Variants in RIOX1 observed in about 807,000 individuals in gnomAD.
The protein encoded by RIOX1 is ribosomal oxygenase 1, also known as 60S ribosomal protein L8 histidine hydroxylase.
In RIOX1, 33 loss-of-function variants were observed where a neutral mutation model predicts 44.6. The ratio of observed to expected loss-of-function variants is 0.74; its 90% CI spans 0.56 to 0.99. RIOX1 has a LOEUF of 0.99. Among genes scored for constraint, RIOX1 ranks in the 50% least tolerant of loss-of-function variants. RIOX1 has a pLI of 0.00. For synonymous variants in RIOX1, 387 were observed against 395.8 expected, an observed-to-expected ratio of 0.98 and a Z score of 0.26; for missense variants, 821 against 871.7, an observed-to-expected ratio of 0.94 and a Z score of 0.73.
Position 73,491,472 on chromosome 14 carries a change from C to T in RIOX1, c.455C>T (p.Ala152Val). The T allele has an allele frequency of 6.7e-7, 1 of 1,490,964 alleles. No individual in the cohort carries two copies. The highest frequency in any genetic ancestry group is 2.2e-5 in the Admixed American group (1 of 44,870). 92.4% of individuals were successfully genotyped at this position (1,490,964 alleles called of 1,614,324 possible). A position where few individuals can be genotyped will look rare whatever the true frequency, so the allele number is the denominator to read the frequency against. Residue 152 changes from alanine to valine, a missense_variant, in exon 1 of 1, where the codon GCG becomes GTG. This residue lies in a region of RIOX1 where 554 missense variants were observed against 531.2 expected (regional missense o/e 1.04). Coordinates refer to ENST00000304061, the MANE Select transcript of RIOX1 (RefSeq NM_024644.5). ...VVETSALLCT[A>V]QHLAAVQSSG... ...GAGACCTCGGCCCTGCTGTGCACCG[C>T]GCAACACTTAGCGGCCGTCCAGTCG...
rs1885864036 is a variant in RIOX1 at position 73,492,786 on chromosome 14, A to G, written c.1769A>G (p.Gln590Arg). Residue 590 changes from glutamine (Q) to arginine (R), a missense_variant, in exon 1 of 1, where the codon CAG becomes CGG. Gln to Arg is a conservative substitution (Grantham distance 43). Coordinates refer to ENST00000304061, the MANE Select transcript of RIOX1 (RefSeq NM_024644.5). This position sits in a 1 kb window ranked among gnomAD's most constrained non-coding sequence, Gnocchi z 4.9. ...EEPKCLEIYP[Q>R]QADAMELLLG... Reference sequence around the variant, plus strand: ...CCCAAGTGCTTGGAAATATACCCCCAGCAAGCTGATGCCATGGAACTGTTG... The same window carrying G: ...CCCAAGTGCTTGGAAATATACCCCCGGCAAGCTGATGCCATGGAACTGTTG... 6.2e-7 allele frequency: 1 copy of G among 1,613,834 alleles called. No individual in the cohort carries two copies. The highest frequency in any genetic ancestry group is 1.7e-5 in the Admixed American group (1 of 59,976).
Position 73,491,531 on chromosome 14 carries a change from G to T in RIOX1, c.514G>T (p.Val172Leu). 1 of 1,527,312 alleles carries T rather than the reference G, an allele frequency of 6.5e-7. No individual in the cohort carries two copies. The highest frequency in any genetic ancestry group is 8.8e-7 in the Non-Finnish European group (1 of 1,141,350). The allele number at this position is 1,527,312 out of a possible 1,614,324, so 94.6% of individuals were successfully genotyped here. A position where few individuals can be genotyped will look rare whatever the true frequency, so the allele number is the denominator to read the frequency against. Reference protein sequence around the residue: ...GAPATASGPQVDNTGGEPAWD... With the variant: ...GAPATASGPQLDNTGGEPAWD... Reference sequence around the variant, plus strand: ...CCCTGCGACGGCGTCGGGGCCGCAGGTGGATAACACGGGTGGGGAGCCGGC... The same window carrying T: ...CCCTGCGACGGCGTCGGGGCCGCAGTTGGATAACACGGGTGGGGAGCCGGC... The change falls in exon 1 of 1, where the codon GTG becomes TTG. Residue 172 changes from valine to leucine, a missense_variant. Val to Leu is a conservative substitution (Grantham distance 32). Transcript: ENST00000304061.
In RIOX1 at chr14:73,491,556, C is replaced by G; in HGVS notation, c.539C>G (p.Ala180Gly). 1 of 1,538,472 alleles carries G rather than the reference C, an allele frequency of 6.5e-7. No individual in the cohort carries two copies. Among genetic ancestry groups the G allele is most frequent in the Non-Finnish European group, 8.7e-7 (1 of 1,144,470 alleles). Reference protein sequence around the residue: ...PQVDNTGGEPAWDSPLRRVLA... With the variant: ...PQVDNTGGEPGWDSPLRRVLA... ...GTGGATAACACGGGTGGGGAGCCGGCCTGGGACTCCCCGCTGCGGCGCGTC... is the reference window on the plus strand; with the variant it reads ...GTGGATAACACGGGTGGGGAGCCGGGCTGGGACTCCCCGCTGCGGCGCGTC... Residue 180 changes from alanine to glycine, a missense_variant, in exon 1 of 1, where the codon GCC becomes GGC. Ala to Gly is a moderately conservative substitution (Grantham distance 60, BLOSUM62 0). Coordinates refer to ENST00000304061, the MANE Select transcript of RIOX1 (RefSeq NM_024644.5).
In RIOX1 at chr14:73,491,366, A is replaced by G; in HGVS notation, c.349A>G (p.Thr117Ala). The change falls in exon 1 of 1, where the codon ACC becomes GCC. Residue 117 changes from threonine to alanine, a missense_variant. By Grantham distance (58) the Thr-to-Ala change is moderately conservative. Coordinates refer to ENST00000304061, the MANE Select transcript of RIOX1 (RefSeq NM_024644.5). ...EASPAARSLQ[T>A]PSARLVPASA... Reference sequence around the variant, plus strand: ...CTCGCCCGCCGCGCGCTCCCTGCAGACCCCGTCGGCGCGCCTGGTGCCCGC... The same window carrying G: ...CTCGCCCGCCGCGCGCTCCCTGCAGGCCCCGTCGGCGCGCCTGGTGCCCGC... 1 of 1,369,734 alleles carries G rather than the reference A, an allele frequency of 7.3e-7. No homozygotes were observed. The highest frequency in any genetic ancestry group is 9.4e-7 in the Non-Finnish European group (1 of 1,067,306). 84.8% of individuals were successfully genotyped at this position (1,369,734 alleles called of 1,614,324 possible).
Position 73,492,171 on chromosome 14 carries a change from C to T in RIOX1, c.1154C>T (p.Pro385Leu), listed in dbSNP as rs759878315. The change falls in exon 1 of 1, where the codon CCG becomes CTG. Residue 385 changes from proline to leucine, a missense_variant. Physicochemically the swap from Pro to Leu is moderately conservative, Grantham distance 98. Coordinates refer to ENST00000304061, the MANE Select transcript of RIOX1 (RefSeq NM_024644.5). The surrounding 1 kb of genome is among the most constrained non-coding windows in gnomAD (Gnocchi z 4.9). Reference sequence around the variant, plus strand: ...TTCAGTCAGGACGACCTCGGTGAGCCGGTGCTGCAGACCGTGCTGGAACCT... The same window carrying T: ...TTCAGTCAGGACGACCTCGGTGAGCTGGTGCTGCAGACCGTGCTGGAACCT... ...PNFSQDDLGE[P>L]VLQTVLEPGD... 6.2e-7 allele frequency: 1 copy of T among 1,613,970 alleles called. No individual in the cohort carries two copies. The highest frequency in any genetic ancestry group is 8.5e-7 in the Non-Finnish European group (1 of 1,179,890).
In RIOX1 at chr14:73,492,562, T is replaced by A. The variant is rs1885846148; in HGVS notation, c.1545T>A (p.Thr515=). 1 of 1,613,876 alleles carries A rather than the reference T, an allele frequency of 6.2e-7. No individual in the cohort carries two copies. The highest frequency in any genetic ancestry group is 8.5e-7 in the Non-Finnish European group (1 of 1,179,844). The change falls in exon 1 of 1, where the codon ACT becomes ACA. Residue 515 remains threonine, a synonymous_variant. Coordinates refer to ENST00000304061, the MANE Select transcript of RIOX1 (RefSeq NM_024644.5). The surrounding 1 kb of genome is among the most constrained non-coding windows in gnomAD (Gnocchi z 4.9). ...FIHDSLPPVL[T]DRERALSVYG... ...ACGATTCTCTGCCCCCTGTTTTGACTGATAGGGAGAGGGCACTAAGTGTTT... is the reference window on the plus strand; with the variant it reads ...ACGATTCTCTGCCCCCTGTTTTGACAGATAGGGAGAGGGCACTAAGTGTTT...
rs747494362 is a variant in RIOX1 at position 73,491,389 on chromosome 14, C to G, written c.372C>G (p.Pro124=). The G allele has an allele frequency of 3.0e-6, 4 of 1,349,584 alleles. No individual in the cohort carries two copies. Among genetic ancestry groups the G allele is most frequent in the Non-Finnish European group, 2.8e-6 (3 of 1,059,170 alleles). 83.6% of individuals were successfully genotyped at this position (1,349,584 alleles called of 1,614,324 possible). Residue 124 remains proline, a synonymous_variant, in exon 1 of 1, where the codon CCC becomes CCG. Transcript: ENST00000304061. ...SLQTPSARLV[P]ASAPPARLVE... ...AGACCCCGTCGGCGCGCCTGGTGCCCGCTTCCGCGCCGCCCGCGCGCCTGG... is the reference window on the plus strand; with the variant it reads ...AGACCCCGTCGGCGCGCCTGGTGCCGGCTTCCGCGCCGCCCGCGCGCCTGG...
Position 73,491,551 on chromosome 14 carries a change from G to A in RIOX1, c.534G>A (p.Glu178=), listed in dbSNP as rs1885743125. 4.6e-6 allele frequency: 7 copies of A among 1,535,220 alleles called. No homozygotes were observed. The highest frequency in any genetic ancestry group is 2.7e-5 in the African/African-American group (2 of 72,858). ...SGPQVDNTGG[E]PAWDSPLRRV... is the part of the protein sequence containing the mutation. ...CGCAGGTGGATAACACGGGTGGGGA[G>A]CCGGCCTGGGACTCCCCGCTGCGGC... The change falls in exon 1 of 1, where the codon GAG becomes GAA. Residue 178 remains glutamate (E), a synonymous_variant. Transcript: ENST00000304061.
Position 73,491,461 on chromosome 14 carries a change from G to A in RIOX1, c.444G>A (p.Leu148=). ...TCCGGGTGGTGGAGACCTCGGCCCT[G>A]CTGTGCACCGCGCAACACTTAGCGG... ...APVRVVETSA[L]LCTAQHLAAV... Residue 148 remains leucine, a synonymous_variant, in exon 1 of 1, where the codon CTG becomes CTA. Coordinates refer to ENST00000304061, the MANE Select transcript of RIOX1 (RefSeq NM_024644.5). 1 of 1,472,406 alleles carries A rather than the reference G, an allele frequency of 6.8e-7. No individual in the cohort carries two copies. 91.2% of individuals were successfully genotyped at this position (1,472,406 alleles called of 1,614,324 possible).
Position 73,493,229 on chromosome 14 carries a change from G to A in RIOX1, c.*286G>A, listed in dbSNP as rs1885903791. On this transcript the variant is annotated 3_prime_UTR_variant, in exon 1 of 1. Coordinates refer to ENST00000304061, the MANE Select transcript of RIOX1 (RefSeq NM_024644.5). ...TCACCTTCAGGCTTCAGTGTACTGG[G>A]TAACACTGACCATGTCGTTCTGCTT... 4.5e-6 allele frequency: 4 copies of A among 880,096 alleles called. No homozygotes were observed. The highest frequency in any genetic ancestry group is 4.9e-5 in the East Asian group (2 of 41,232). The allele number at this position is 880,096 out of a possible 1,614,324, so 54.5% of individuals were successfully genotyped here.
Position 73,492,079 on chromosome 14 carries a change from G to A in RIOX1, c.1062G>A (p.Arg354=), listed in dbSNP as rs1885802047. The A allele has an allele frequency of 6.2e-7, 1 of 1,613,964 alleles. No individual in the cohort carries two copies. Residue 354 remains arginine, a synonymous_variant, in exon 1 of 1, where the codon AGG becomes AGA. Transcript: ENST00000304061. The surrounding 1 kb of genome is among the most constrained non-coding windows in gnomAD (Gnocchi z 4.9). ...IEAFVLQLEG[R]KLWRVYRPRV... is the part of the protein sequence containing the mutation. ...CCTTCGTGCTGCAGCTGGAAGGTAG[G>A]AAACTCTGGCGTGTATACCGACCCC...
At position 73,491,436 on chromosome 14, in the gene RIOX1, T is replaced by TCCA. The variant is rs1293632043; in HGVS notation, c.421_422insACC (p.Val140_Arg141insHis). ...CTGGTGGAGGTGCCCGCCGCGCCGG[T>TCCA]CCGGGTGGTGGAGACCTCGGCCCTG... On this transcript the variant is annotated inframe_insertion, in exon 1 of 1. Coordinates refer to ENST00000304061, the MANE Select transcript of RIOX1 (RefSeq NM_024644.5). 9 of 1,358,592 alleles carry TCCA rather than the reference T, an allele frequency of 6.6e-6. No individual in the cohort carries two copies. The East Asian group carries it at 1.8e-4, about 28-fold the overall frequency. The allele number at this position is 1,358,592 out of a possible 1,614,324, so 84.2% of individuals were successfully genotyped here.
Position 73,491,412 on chromosome 14 carries a change from TG to T in RIOX1, c.397del (p.Val133TrpfsTer23). Reference protein sequence around the residue: ...LVPASAPPARLVEVPAAPVRV... With the variant: ...LVPASAPPARXVEVPAAPVRV... ...CCCGCTTCCGCGCCGCCCGCGCGCC[TG>T]GTGGAGGTGCCCGCCGCGCCGGTCC... On this transcript the variant is annotated frameshift_variant, in exon 1 of 1. Coordinates refer to ENST00000304061, the MANE Select transcript of RIOX1 (RefSeq NM_024644.5). LOFTEE classifies it high-confidence loss of function. 1 of 1,346,614 alleles carries T rather than the reference TG, an allele frequency of 7.4e-7. No homozygotes were observed. Among genetic ancestry groups the T allele is most frequent in the Non-Finnish European group, 9.5e-7 (1 of 1,057,780 alleles). The allele number at this position is 1,346,614 out of a possible 1,614,324, so 83.4% of individuals were successfully genotyped here. A position where few individuals can be genotyped will look rare whatever the true frequency, so the allele number is the denominator to read the frequency against.
rs1223292026 is a variant in RIOX1, at chr14:73,491,502, G to C, written c.485G>C (p.Gly162Ala). Residue 162 changes from glycine (G) to alanine (A), a missense_variant, in exon 1 of 1, where the codon GGG becomes GCG. By Grantham distance (60) the Gly-to-Ala change is moderately conservative (BLOSUM62 0). Around this residue, in one of 2 missense-constraint regions of RIOX1, gnomAD observed 554 missense variants for 531.2 expected, o/e 1.04. Coordinates refer to ENST00000304061, the MANE Select transcript of RIOX1 (RefSeq NM_024644.5). ...AQHLAAVQSS[G>A]APATASGPQV... The stretch of plus-strand genomic sequence containing the variant: ...CACTTAGCGGCCGTCCAGTCGTCCG[G>C]GGCCCCTGCGACGGCGTCGGGGCCG... 1.3e-6 allele frequency: 2 copies of C among 1,513,168 alleles called. No individual in the cohort carries two copies. Among genetic ancestry groups the C allele is most frequent in the Non-Finnish European group, 1.8e-6 (2 of 1,136,376 alleles). The allele number at this position is 1,513,168 out of a possible 1,614,324, so 93.7% of individuals were successfully genotyped here. A position where few individuals can be genotyped will look rare whatever the true frequency, so the allele number is the denominator to read the frequency against.
At position 73,493,071 on chromosome 14, in the gene RIOX1, T is replaced by C. The variant is rs1885891096; in HGVS notation, c.*128T>C. On this transcript the variant is annotated 3_prime_UTR_variant, in exon 1 of 1. Transcript: ENST00000304061. ...ATCAGTGTGCTCACATTTACCTTTA[T>C]CACTGCTTCAGTGTCACAAACCTCG... The C allele has an allele frequency of 6.2e-7, 1 of 1,613,122 alleles. No individual in the cohort carries two copies. The highest frequency in any genetic ancestry group is 1.7e-5 in the Admixed American group (1 of 59,904).
Position 73,492,109 on chromosome 14 carries a change from C to A in RIOX1, c.1092C>A (p.Val364=), listed in dbSNP as rs17850736. 2 of 1,613,776 alleles carry A rather than the reference C, an allele frequency of 1.2e-6. No individual in the cohort carries two copies. The highest frequency in any genetic ancestry group is 2.2e-5 in the South Asian group (2 of 91,090). ...RKLWRVYRPR[V]PTEELALTSS... Reference sequence around the variant, plus strand: ...TCTGGCGTGTATACCGACCCCGAGTCCCAACCGAGGAACTGGCTCTGACAT... The same window carrying A: ...TCTGGCGTGTATACCGACCCCGAGTACCAACCGAGGAACTGGCTCTGACAT... Residue 364 remains valine (V), a synonymous_variant, in exon 1 of 1, where the codon GTC becomes GTA. Coordinates refer to ENST00000304061, the MANE Select transcript of RIOX1 (RefSeq NM_024644.5). This position sits in a 1 kb window ranked among gnomAD's most constrained non-coding sequence, Gnocchi z 4.9.
Position 73,491,463 on chromosome 14 carries a change from T to C in RIOX1, c.446T>C (p.Leu149Pro). ...CGGGTGGTGGAGACCTCGGCCCTGC[T>C]GTGCACCGCGCAACACTTAGCGGCC... ...PVRVVETSAL[L>P]CTAQHLAAVQ... Residue 149 changes from leucine to proline, a missense_variant, in exon 1 of 1, where the codon CTG (leucine) becomes CCG (proline). Around this residue, in one of 2 missense-constraint regions of RIOX1, gnomAD observed 554 missense variants for 531.2 expected, o/e 1.04. Coordinates refer to ENST00000304061, the MANE Select transcript of RIOX1 (RefSeq NM_024644.5). The C allele has an allele frequency of 6.8e-7, 1 of 1,476,872 alleles. No individual in the cohort carries two copies. Among genetic ancestry groups the C allele is most frequent in the East Asian group, 2.5e-5 (1 of 39,580 alleles). 91.5% of individuals were successfully genotyped at this position (1,476,872 alleles called of 1,614,324 possible). A position where few individuals can be genotyped will look rare whatever the true frequency, so the allele number is the denominator to read the frequency against.
Position 73,492,039 on chromosome 14 carries a change from A to G in RIOX1, c.1022A>G (p.Tyr341Cys), listed in dbSNP as rs774321251. The G allele has an allele frequency of 3.1e-6, 5 of 1,613,920 alleles. No homozygotes were observed. The highest frequency in any genetic ancestry group is 3.4e-6 in the Non-Finnish European group (4 of 1,179,870). Residue 341 changes from tyrosine to cysteine, a missense_variant, in exon 1 of 1, where the codon TAC becomes TGC. Physicochemically the swap from Tyr to Cys is radical, Grantham distance 194. This residue lies in a region of RIOX1 where 554 missense variants were observed against 531.2 expected (regional missense o/e 1.04). Transcript: ENST00000304061. The surrounding 1 kb of genome is among the most constrained non-coding windows in gnomAD (Gnocchi z 4.9). ...PPNSQGFAPHYDDIEAFVLQL... is the reference protein window; with the variant it reads ...PPNSQGFAPHCDDIEAFVLQL... ...AACTCGCAGGGCTTTGCCCCCCACT[A>G]CGACGACATCGAGGCCTTCGTGCTG... is the stretch of plus-strand genomic sequence containing the variant.
chr14:73,492,541 T>G lies in RIOX1; in HGVS notation c.1524T>G (p.Asp508Glu). ...ADQRAKDFIH[D>E]SLPPVLTDRE... ...AGCGAGCCAAAGACTTCATTCACGA[T>G]TCTCTGCCCCCTGTTTTGACTGATA... The change falls in exon 1 of 1, where the codon GAT becomes GAG. Residue 508 changes from aspartate (D) to glutamate (E), a missense_variant. This residue lies in a region of RIOX1 where 267 missense variants were observed against 340.5 expected (regional missense o/e 0.78). Coordinates refer to ENST00000304061, the MANE Select transcript of RIOX1 (RefSeq NM_024644.5). This position sits in a 1 kb window ranked among gnomAD's most constrained non-coding sequence, Gnocchi z 4.9. 6.2e-7 allele frequency: 1 copy of G among 1,613,824 alleles called. No homozygotes were observed. Among genetic ancestry groups the G allele is most frequent in the African/African-American group, 1.3e-5 (1 of 75,028 alleles).
Sources: gnomAD v4.1 joint callset for allele counts on GRCh38, gnomAD v4.1.1 for gene constraint, gnomAD v4.1.1 regional missense constraint, Gnocchi (gnomAD v3.1) non-coding constraint, MANE v1.5 for transcripts, NCBI Gene and HGNC (gene_info 2026-07-23, HGNC 2026-07-21) for gene names.